The following KCNH1 variants were observed in gnomAD, a reference collection of about 807,000 sequenced individuals.
KCNH1 encodes the protein potassium voltage-gated channel subfamily H member 1.
A neutral mutation model predicts 69.2 loss-of-function variants in KCNH1; 27 were observed. That is an observed-to-expected ratio of 0.39 (90% confidence interval 0.29 to 0.54). The LOEUF (loss-of-function observed/expected upper bound fraction) is 0.54. Among genes scored for constraint, KCNH1 ranks in the 20% least tolerant of loss-of-function variants. KCNH1 has a pLI of 0.68. For synonymous variants in KCNH1, 456 were observed against 487.7 expected, an observed-to-expected ratio of 0.93 and a Z score of 0.86; for missense variants, 798 against 1,261.6, an observed-to-expected ratio of 0.63 and a Z score of 5.57.
In KCNH1 at chr1:210,919,748, A is replaced by T; in HGVS notation, c.1354T>A (p.Ser452Thr). Reference protein sequence around the residue: ...GGPSKNSVYISSLYFTMTSLT... With the variant: ...GGPSKNSVYITSLYFTMTSLT... ...CTGGTCATTGTGAAATACAACGAGG[A>T]GATGTAGACAGAATTCTTGCTGGGA... The change falls in exon 7 of 11, where the codon TCC (serine) becomes ACC (threonine). Residue 452 changes from serine (S) to threonine (T), a missense_variant. Transcript: ENST00000271751. This position sits in a 1 kb window ranked among gnomAD's most constrained non-coding sequence, Gnocchi z 4.2. 1.9e-6 allele frequency: 3 copies of T among 1,614,162 alleles called. No homozygotes were observed. The highest frequency in any genetic ancestry group is 2.5e-6 in the Non-Finnish European group (3 of 1,180,014).
At chr1:210,888,000 G>C (rs1176305980) in intron 7 of KCNH1, among the ~76,000 whole-genome samples, 1 of 151,996 alleles carries the variant, frequency 6.6e-6, no homozygotes, top group East Asian at 1.9e-4. Flanking sequence ...TTAGATCAAT[G>C]AGACAGAAGA....
intron 6 of KCNH1, among the ~76,000 whole-genome samples, chr1:210,939,558 G>A (rs1292055943): frequency 1.3e-5 from 2 of 152,154 alleles, no homozygotes; most frequent in Non-Finnish European, 2.9e-5. Flanking sequence ...GGCTTTTGAG[G>A]TCAGGAAGCA....
At chr1:210,972,552 A>G (rs1688529748) in intron 6 of KCNH1, among the ~76,000 whole-genome samples, 1 of 152,152 alleles carries the variant, frequency 6.6e-6, no homozygotes. Context: ...AAAATTGGCA[A>G]GCCAGTTCGT....
Position 210,760,979 on chromosome 1 carries a change from G to A in KCNH1, c.2112+14369C>T, listed in dbSNP as rs140520047. ...ACAAAAGTACATGTAAAGGCCGGGC[G>A]CGGTGGCTCACGCCTGTAATCCCAG... is the stretch of plus-strand genomic sequence containing the variant. On this transcript the variant is annotated intron_variant, in intron 10 of 10. Coordinates refer to ENST00000271751, the MANE Select transcript of KCNH1 (RefSeq NM_172362.3). Among the ~76,000 whole-genome samples, 401 of 152,230 alleles carry A rather than the reference G, an allele frequency of 2.6e-3. 1 individual carries two copies. Among genetic ancestry groups the A allele is most frequent in the East Asian group, 0.015 (77 of 5,182 alleles).
chr1:210,944,320 T>TG (rs1175696502), intron 6 of KCNH1, among the ~76,000 whole-genome samples: 3 of 152,224 alleles, frequency 2.0e-5, no homozygotes, highest in African/African-American at 7.2e-5. Flanking sequence ...TTAAATCCCT[T>TG]TCCTGGTGAT....
At chr1:211,096,712 TTCAA>T (rs1362877107) in intron 3 of KCNH1, among the ~76,000 whole-genome samples, 1 of 152,204 alleles carries the variant, frequency 6.6e-6, no homozygotes, top group Non-Finnish European at 1.5e-5. Context: ...CTAATGTAAT[TTCAA>T]TCAGTCTCAG....
chr1:210,955,697 T>C lies in KCNH1; in HGVS notation c.1033-35628A>G, dbSNP rs556502101. 3.9e-5 allele frequency among the ~76,000 whole-genome samples: 6 copies of C among 152,316 alleles called. No individual in the cohort carries two copies. In the South Asian group the frequency reaches 1.2e-3, roughly 32 times the overall value. ...TTGGAGTTCACTCATGATTTGGCTC[T>C]CTGTTTGTCTGTTGTTGGTGTATAG... is the stretch of plus-strand genomic sequence containing the variant. On this transcript the variant is annotated intron_variant, in intron 6 of 10. Transcript: ENST00000271751.
chr1:210,721,587 C>T (rs1682459984), intron 10 of KCNH1, among the ~76,000 whole-genome samples: 1 of 152,106 alleles, frequency 6.6e-6, no homozygotes, highest in Non-Finnish European at 1.5e-5. Flanking sequence ...CATAATTTTT[C>T]CCAGGCACAA....
rs536770676 is a variant in KCNH1 at position 210,893,677 on chromosome 1, T to A, written c.1462+25963A>T. Among the ~76,000 whole-genome samples, 93 of 152,184 alleles carry A rather than the reference T, an allele frequency of 6.1e-4. 1 individual carries two copies. Among genetic ancestry groups the A allele is most frequent in the African/African-American group, 2.1e-3 (88 of 41,544 alleles). On this transcript the variant is annotated intron_variant, in intron 7 of 10. Coordinates refer to ENST00000271751, the MANE Select transcript of KCNH1 (RefSeq NM_172362.3). ...ATAAAAGCAGCCTCACAAGCCAGAGTAGGCTCAGAAAGATTTCCCTCTCTC... is the reference window on the plus strand; with the variant it reads ...ATAAAAGCAGCCTCACAAGCCAGAGAAGGCTCAGAAAGATTTCCCTCTCTC...
At chr1:211,082,317 A>G (rs1335647247) in intron 5 of KCNH1, among the ~76,000 whole-genome samples, 1 of 152,224 alleles carries the variant, frequency 6.6e-6, no homozygotes, top group Non-Finnish European at 1.5e-5. Flanking sequence ...GCATTTAGGA[A>G]ATAGGATATC....
chr1:210,786,325 T>C (rs1015340410), intron 9 of KCNH1, among the ~76,000 whole-genome samples: 4 of 152,218 alleles, frequency 2.6e-5, no homozygotes, highest in Admixed American at 6.5e-5. Context: ...TGATTCTTAA[T>C]GGGCCATAAA....
chr1:210,897,463 C>T (rs960961041), intron 7 of KCNH1, among the ~76,000 whole-genome samples: 1 of 152,188 alleles, frequency 6.6e-6, no homozygotes, highest in African/African-American at 2.4e-5. Context: ...CCTCAAACAT[C>T]TGCATGGGTA....
intron 6 of KCNH1, among the ~76,000 whole-genome samples, chr1:210,953,990 T>G (rs568816755): frequency 2.2e-3 from 339 of 152,342 alleles, no homozygotes; most frequent in African/African-American, 7.8e-3. Context: ...GTTGGTTTTC[T>G]GCACCCATCA....
intron 7 of KCNH1, among the ~76,000 whole-genome samples, chr1:210,883,411 T>A (rs1488762712): frequency 6.6e-6 from 1 of 152,226 alleles, no homozygotes; most frequent in Non-Finnish European, 1.5e-5. Flanking sequence ...TATGAACACA[T>A]TCTTGGCACT....
chr1:210,718,661 C>T lies in KCNH1; in HGVS notation c.2113-34523G>A, dbSNP rs955054823. Among the ~76,000 whole-genome samples, 188 of 76,824 alleles carry T rather than the reference C, an allele frequency of 2.4e-3. 9 individuals are homozygous for T. The highest frequency in any genetic ancestry group is 0.012 in the African/African-American group (131 of 10,674). The allele number at this position is 76,824 out of a possible 152,430, so 50.4% of individuals were successfully genotyped here. The stretch of plus-strand genomic sequence containing the variant: ...ATATACATATATATATACACACACA[C>T]ACACACACACACACACACACACACA... On this transcript the variant is annotated intron_variant, in intron 10 of 10. Coordinates refer to ENST00000271751, the MANE Select transcript of KCNH1 (RefSeq NM_172362.3).
chr1:210,877,582 C>T (rs1686405348), intron 7 of KCNH1, among the ~76,000 whole-genome samples: 1 of 152,162 alleles, frequency 6.6e-6, no homozygotes, highest in Non-Finnish European at 1.5e-5. Flanking sequence ...TCAAAATCTG[C>T]TCCCATTTTC....
chr1:210,988,703 C>A (rs1186074100), intron 6 of KCNH1, among the ~76,000 whole-genome samples: 1 of 152,180 alleles, frequency 6.6e-6, no homozygotes, highest in Non-Finnish European at 1.5e-5. Context: ...GGCCTATAAA[C>A]ACTCTAAACA....
rs138484468 is a variant in KCNH1, at chr1:210,703,966, G to A, written c.2113-19828C>T. ...ATGGTGCTCCATGATAAAGTGCAGC[G>A]TGCACCCCCATAGGCCAAGTGCTCT... On this transcript the variant is annotated intron_variant, in intron 10 of 10. Coordinates refer to ENST00000271751, the MANE Select transcript of KCNH1 (RefSeq NM_172362.3). Among the ~76,000 whole-genome samples, 7 of 152,268 alleles carry A rather than the reference G, an allele frequency of 4.6e-5. No homozygotes were observed. The East Asian group carries it at 5.8e-4, about 13-fold the overall frequency.
intron 6 of KCNH1, among the ~76,000 whole-genome samples, chr1:210,926,334 T>C (rs1687573717): frequency 6.6e-6 from 1 of 152,062 alleles, no homozygotes; most frequent in African/African-American, 2.4e-5. Context: ...CTACCTCCAC[T>C]GGAGCAGGCA....
Sources: allele counts gnomAD v4.1 joint callset (sites outside exome capture counted in the v4.1 genomes callset), GRCh38; gene constraint gnomAD v4.1.1; non-coding constraint Gnocchi (gnomAD v3.1); transcripts MANE v1.5; gene names NCBI Gene and HGNC (gene_info 2026-07-23, HGNC 2026-07-21).